The following TNFRSF8 variants were observed in gnomAD, a reference collection of about 807,000 sequenced individuals.
TNFRSF8 encodes tumor necrosis factor receptor superfamily member 8.
Under a neutral mutation model 70.8 loss-of-function variants are expected in TNFRSF8, and 26 were observed. That is an observed-to-expected ratio of 0.37 (90% CI 0.27 to 0.51). The LOEUF is 0.51. TNFRSF8 is among the 20% of genes least tolerant of loss of function. The pLI, the probability that TNFRSF8 is intolerant of heterozygous loss-of-function variation, is 0.94. For synonymous variants in TNFRSF8, 356 were observed against 339.2 expected (o/e 1.05, Z -0.54); for missense variants, 720 against 807.9 (o/e 0.89, Z 1.32).
Position 12,111,461 on chromosome 1 carries a change from C to T in TNFRSF8, c.677-437C>T, listed in dbSNP as rs10864550. Among the ~76,000 whole-genome samples, 2,062 of 152,180 alleles carry T rather than the reference C, an allele frequency of 0.014. 77 individuals carry two copies. In the East Asian group the frequency reaches 0.16, roughly 12 times the overall value. On this transcript the variant is annotated intron_variant, in intron 6 of 14. Transcript: ENST00000263932. ...CCTCCCAAAGTGCTGGGATTACAGA[C>T]GTGAGCCACCGCGCCCGGCCCACAC...
intron 3 of TNFRSF8, among the ~76,000 whole-genome samples, chr1:12,098,233 G>A (rs1641363652): frequency 6.6e-6 from 1 of 152,148 alleles, no homozygotes; most frequent in Non-Finnish European, 1.5e-5. Context: ...TAAAAAGAAA[G>A]AAAAGTAATA....
intron 13 of TNFRSF8, among the ~76,000 whole-genome samples, chr1:12,137,559 TTTTTTTTTTG>T (rs1185239306): frequency 1.8e-4 from 22 of 123,036 alleles, no homozygotes; most frequent in Non-Finnish European, 2.8e-4. Context: ...TTTTTTTTTG[TTTTTTTTTTG>T]TTTTTTTTTT....
In TNFRSF8 at chr1:12,104,473, C is replaced by T. The variant is rs370479291; in HGVS notation, c.363C>T (p.Ser121=). The T allele has an allele frequency of 6.8e-6, 11 of 1,614,100 alleles. No homozygotes were observed. The African/African-American group carries it at 1.5e-4, about 22-fold the overall frequency. The change falls in exon 4 of 15, where the codon TCC becomes TCT. Residue 121 remains serine (S), a synonymous_variant. Coordinates refer to ENST00000263932, the MANE Select transcript of TNFRSF8 (RefSeq NM_001243.5). ...TCTGTTCCACGTCTGCCGTCAACTC[C>T]TGTGCCCGCTGCTTCTTCCATTCTG... ...GMFCSTSAVN[S]CARCFFHSVC...
At chr1:12,086,547 A>G (rs1325326089) in intron 2 of TNFRSF8, among the ~76,000 whole-genome samples, 1 of 56,506 alleles carries the variant, frequency 1.8e-5, no homozygotes, top group East Asian at 6.2e-4. Context: ...CACCCCTCCC[A>G]TCCCCTTTCC....
chr1:12,079,879 G>A (rs1641032925), intron 1 of TNFRSF8, among the ~76,000 whole-genome samples: 1 of 151,544 alleles, frequency 6.6e-6, no homozygotes, highest in Non-Finnish European at 1.5e-5. Flanking sequence ...TTGTACATCT[G>A]TGTTCTCACT....
intron 10 of TNFRSF8, 199 bp from the exon 11 acceptor site, chr1:12,125,752 C>T (rs952725972): frequency 1.6e-6 from 1 of 621,926 alleles, no homozygotes; most frequent in Non-Finnish European, 2.9e-6. Context: ...GCCCTTCTCT[C>T]AGCCTTCAAT....
rs199941905 is a variant in TNFRSF8 at position 12,108,074 on chromosome 1, A to ATTTTTTTTT, written c.422-1485_422-1484insTTTTTTTTT. 3.0e-4 allele frequency among the ~76,000 whole-genome samples: 44 copies of ATTTTTTTTT among 146,202 alleles called. No homozygotes were observed. Among genetic ancestry groups the ATTTTTTTTT allele is most frequent in the Non-Finnish European group, 4.1e-4 (27 of 66,428 alleles). ...CGAAGTCCCACACATACAGGCCACC[A>ATTTTTTTTT]TTTTTTTATTTTTTTTTTTTTTGTG... On this transcript the variant is annotated intron_variant, in intron 4 of 14. Transcript: ENST00000263932. The surrounding 1 kb of genome is among the most constrained non-coding windows in gnomAD (Gnocchi z 4.0).
At chr1:12,105,366 C>T (rs186051825) in intron 4 of TNFRSF8, among the ~76,000 whole-genome samples, 1 of 152,174 alleles carries the variant, frequency 6.6e-6, no homozygotes, top group African/African-American at 2.4e-5. Context: ...CCCTTTTATC[C>T]TTCCCTCGTT....
At chr1:12,073,224 G>A (rs895565128) in intron 1 of TNFRSF8, among the ~76,000 whole-genome samples, 1 of 152,094 alleles carries the variant, frequency 6.6e-6, no homozygotes, top group Non-Finnish European at 1.5e-5. Context: ...ATGATCGCAG[G>A]ACTGCACTCC....
chr1:12,105,527 C>CCT lies in TNFRSF8; in HGVS notation c.421+1018_421+1019dup, dbSNP rs36180612. 4.2e-3 allele frequency among the ~76,000 whole-genome samples: 612 copies of CCT among 145,930 alleles called. 3 individuals carry two copies. Among genetic ancestry groups the CCT allele is most frequent in the African/African-American group, 0.012 (481 of 39,416 alleles). On this transcript the variant is annotated intron_variant, in intron 4 of 14. Transcript: ENST00000263932. Reference sequence around the variant, plus strand: ...TTGCAAGACCAAATCTGAATCTGATCCTCTCTCTCTCTCTCTCTCTCTCAC... The same window carrying CCT: ...TTGCAAGACCAAATCTGAATCTGATCCTCTCTCTCTCTCTCTCTCTCTCTCAC...
chr1:12,111,974 C>A lies in TNFRSF8; in HGVS notation c.753C>A (p.Asp251Glu), dbSNP rs536842664. The change falls in exon 7 of 15, where the codon GAC becomes GAA. Residue 251 changes from aspartate to glutamate, a missense_variant. Transcript: ENST00000263932. ...RKQCEPDYYL[D>E]EAGRCTACVS... ...AGTGTGAGCCCGACTACTACCTGGA[C>A]GAGGCCGGCCGCTGCACGGCCTGCG... The A allele has an allele frequency of 2.5e-6, 4 of 1,614,070 alleles. No homozygotes were observed. The highest frequency in any genetic ancestry group is 2.7e-5 in the African/African-American group (2 of 74,930).
intron 8 of TNFRSF8, among the ~76,000 whole-genome samples, chr1:12,121,593 C>T (rs1421997652): frequency 6.6e-6 from 1 of 152,204 alleles, no homozygotes; most frequent in Non-Finnish European, 1.5e-5. Context: ...ATCTCTGTTT[C>T]CTGGCTGTAG....
chr1:12,116,983 T>C (rs1641743130), intron 8 of TNFRSF8, among the ~76,000 whole-genome samples: 1 of 152,086 alleles, frequency 6.6e-6, no homozygotes, highest in African/African-American at 2.4e-5. Context: ...GACTACTAAA[T>C]CTTCAAACAC....
At position 12,123,707 on chromosome 1, in the gene TNFRSF8, C is replaced by T. The variant is rs781255759; in HGVS notation, c.1041-8C>T. ...TTCATCACTCCTGCCTTGGGCTTCT[C>T]CCCGCAGCACCAGCCCCACTCAGAG... On this transcript the variant is annotated splice_region_variant and splice_polypyrimidine_tract_variant and intron_variant, in intron 9 of 14. Coordinates refer to ENST00000263932, the MANE Select transcript of TNFRSF8 (RefSeq NM_001243.5). The T allele has an allele frequency of 1.6e-5, 25 of 1,554,386 alleles. No homozygotes were observed. The highest frequency in any genetic ancestry group is 1.9e-5 in the Non-Finnish European group (22 of 1,147,646).
chr1:12,067,409 C>G (rs1264546001), intron 1 of TNFRSF8, among the ~76,000 whole-genome samples: 3 of 152,114 alleles, frequency 2.0e-5, no homozygotes, highest in Non-Finnish European at 2.9e-5. Context: ...TTAGCTGGGG[C>G]CGGGCGCTGT....
At chr1:12,106,845 A>AT (rs1487671911) in intron 4 of TNFRSF8, among the ~76,000 whole-genome samples, 2 of 152,142 alleles carry the variant, frequency 1.3e-5, no homozygotes, top group African/African-American at 2.4e-5. Flanking sequence ...TCAAATGAGG[A>AT]GGTATAACTG....
Position 12,142,816 on chromosome 1 carries a change from T to G in TNFRSF8, c.*285T>G. ...GATGTTGGTTGAGGCAGCAAACAGA[T>G]GGCAGGATGGGCACTGCCGAGAACA... On this transcript the variant is annotated 3_prime_UTR_variant, in exon 15 of 15. Transcript: ENST00000263932. This position sits in a 1 kb window ranked among gnomAD's most constrained non-coding sequence, Gnocchi z 5.0. 2.5e-6 allele frequency: 1 copy of G among 401,222 alleles called. No homozygotes were observed. Among genetic ancestry groups the G allele is most frequent in the Non-Finnish European group, 4.5e-6 (1 of 220,760 alleles). 24.9% of individuals were successfully genotyped at this position (401,222 alleles called of 1,614,324 possible).
At chr1:12,085,302 G>A (rs1278269596) in intron 2 of TNFRSF8, among the ~76,000 whole-genome samples, 1 of 152,006 alleles carries the variant, frequency 6.6e-6, no homozygotes, top group Non-Finnish European at 1.5e-5. Context: ...TAGAGACAGG[G>A]TTTCGCCATA....
intron 1 of TNFRSF8, among the ~76,000 whole-genome samples, chr1:12,076,043 T>TTTTTGTATTTTTA (rs1640949462): frequency 5.9e-5 from 9 of 151,906 alleles, no homozygotes; most frequent in Admixed American, 5.9e-4. Context: ...ATAAAAACAA[T>TTTTTGTATTTTTA]GCTGCTGAAC....
Sources: allele counts gnomAD v4.1 joint callset (sites outside exome capture counted in the v4.1 genomes callset), GRCh38; gene constraint gnomAD v4.1.1; non-coding constraint Gnocchi (gnomAD v3.1); transcripts MANE v1.5; gene names NCBI Gene and HGNC (gene_info 2026-07-23, HGNC 2026-07-21).